Variants in SHANK2 observed in about 807,000 individuals in gnomAD.
SHANK2 encodes SH3 and multiple ankyrin repeat domains protein 2.
SHANK2 carries 43 observed loss-of-function variants against 133.7 expected under a neutral mutation model. The observed-to-expected ratio is 0.32, with a 90% CI of 0.25 to 0.41. SHANK2 has a LOEUF of 0.41. Among genes scored for constraint, SHANK2 ranks in the 10% least tolerant of loss-of-function variants. The pLI is 1.00. For synonymous variants in SHANK2, 1,017 were observed against 952.8 expected (o/e 1.07, Z -1.24); for missense variants, 1,994 against 2,235.8 (o/e 0.89, Z 2.18).
In SHANK2 at chr11:70,896,708, T is replaced by C. The variant is rs1402015647; in HGVS notation, c.1108-141A>G. 6.6e-6 allele frequency: 4 copies of C among 606,234 alleles called. No homozygotes were observed. In the Admixed American group the frequency reaches 1.1e-4, roughly 16 times the overall value. 37.6% of individuals were successfully genotyped at this position (606,234 alleles called of 1,614,324 possible). ...ATGGCAGCCGCAATATCAACACTCA[T>C]CCACTCACCTTGCCAACCACCACAC... On this transcript the variant is annotated intron_variant, in intron 10 of 25. Coordinates refer to ENST00000601538, the MANE Select transcript of SHANK2 (RefSeq NM_012309.5).
intron 14 of SHANK2, among the ~76,000 whole-genome samples, chr11:70,750,173 C>T (rs868924520): frequency 2.2e-4 from 33 of 152,240 alleles, no homozygotes; most frequent in Admixed American, 1.6e-3. Flanking sequence ...TGTGAGTTTC[C>T]CATTTTTTCC....
At chr11:71,077,387 C>T (rs1337951435) in intron 8 of SHANK2, among the ~76,000 whole-genome samples, 3 of 152,206 alleles carry the variant, frequency 2.0e-5, no homozygotes, top group African/African-American at 7.2e-5. Flanking sequence ...GAGCACTCTT[C>T]CCTTGCAAGG....
chr11:70,591,933 C>A (rs571386612), intron 17 of SHANK2, among the ~76,000 whole-genome samples: 1 of 151,944 alleles, frequency 6.6e-6, no homozygotes, highest in East Asian at 1.9e-4. Context: ...GCAGGAGAAC[C>A]GCTGAAACCG....
At chr11:71,167,408 G>A (rs1276122595) in intron 2 of SHANK2, among the ~76,000 whole-genome samples, 213 of 145,932 alleles carry the variant, frequency 1.5e-3, no homozygotes, top group African/African-American at 4.7e-3. Context: ...CTGGCCGGGC[G>A]GGGGGCTGAC....
chr11:70,518,137 C>T (rs1243425640), intron 17 of SHANK2, among the ~76,000 whole-genome samples: 1 of 152,188 alleles, frequency 6.6e-6, no homozygotes, highest in Non-Finnish European at 1.5e-5. Context: ...CTTTAGCCAG[C>T]GTCAGCCACT....
At chr11:70,880,576 GGCCAGGGGCATGT>G (rs1402339243) in intron 11 of SHANK2, among the ~76,000 whole-genome samples, 1 of 152,214 alleles carries the variant, frequency 6.6e-6, no homozygotes, top group Non-Finnish European at 1.5e-5. Flanking sequence ...CCCTCTGTGA[GGCCAGGGGCATGT>G]GCCCATGGAA....
chr11:70,700,513 T>C (rs1430452073), intron 14 of SHANK2, among the ~76,000 whole-genome samples: 8 of 152,114 alleles, frequency 5.3e-5, no homozygotes, highest in Non-Finnish European at 1.2e-4. Flanking sequence ...ACAATCAGAT[T>C]GGTCAGAGTG....
intron 10 of SHANK2, among the ~76,000 whole-genome samples, chr11:70,924,448 G>A (rs1950398427): frequency 6.6e-6 from 1 of 152,102 alleles, no homozygotes; most frequent in South Asian, 2.1e-4. Context: ...GCCCTTGCCT[G>A]ATACTTTTTT....
At chr11:70,863,793 G>A in intron 11 of SHANK2, 1 of 457,594 alleles carries the variant, frequency 2.2e-6, no homozygotes. Flanking sequence ...AACAGGAGAG[G>A]TGTGTTGTAA....
chr11:71,194,323 T>C (rs1194616345), intron 2 of SHANK2, among the ~76,000 whole-genome samples: 3 of 152,126 alleles, frequency 2.0e-5, no homozygotes, highest in African/African-American at 7.2e-5. Flanking sequence ...GACCCCAGCA[T>C]CAGTGCCGCG....
chr11:71,233,270 G>A (rs1555123207), intron 1 of SHANK2, among the ~76,000 whole-genome samples: 5 of 152,180 alleles, frequency 3.3e-5, no homozygotes, highest in Non-Finnish European at 1.5e-5. Flanking sequence ...GCCTTAAAAT[G>A]GAACGTGATT....
chr11:70,713,809 C>T (rs1252707484), intron 14 of SHANK2, among the ~76,000 whole-genome samples: 7 of 152,240 alleles, frequency 4.6e-5, no homozygotes, highest in African/African-American at 9.6e-5. Context: ...GTGTAAAACA[C>T]ACTCTCTTCT....
chr11:70,919,719 G>A (rs891537244), intron 10 of SHANK2, among the ~76,000 whole-genome samples: 3 of 152,148 alleles, frequency 2.0e-5, no homozygotes, highest in Non-Finnish European at 4.4e-5. Flanking sequence ...GCGAAATTGT[G>A]TATCCTTTGA....
chr11:70,598,881 A>T (rs1215457480), intron 17 of SHANK2, among the ~76,000 whole-genome samples: 1 of 151,660 alleles, frequency 6.6e-6, no homozygotes, highest in East Asian at 1.9e-4. Flanking sequence ...AATCTCTTGC[A>T]CACTAGGAAA....
At chr11:70,702,555 A>C (rs958149185) in intron 14 of SHANK2, among the ~76,000 whole-genome samples, 1 of 151,978 alleles carries the variant, frequency 6.6e-6, no homozygotes, top group East Asian at 1.9e-4. Context: ...CATCACCACC[A>C]TCATCAACCA....
At chr11:70,759,323 A>G (rs1447916754) in intron 14 of SHANK2, among the ~76,000 whole-genome samples, 3 of 151,994 alleles carry the variant, frequency 2.0e-5, no homozygotes, top group African/African-American at 7.2e-5. Context: ...CGTCACTAGT[A>G]AAAATACAAA....
At chr11:71,135,471 A>AG (rs1952418744) in intron 3 of SHANK2, among the ~76,000 whole-genome samples, 1 of 146,186 alleles carries the variant, frequency 6.8e-6, no homozygotes, top group Non-Finnish European at 1.5e-5. Flanking sequence ...TGCCCAGACT[A>AG]GGGGGGATAT....
chr11:70,726,838 T>A (rs1946190477), intron 14 of SHANK2, among the ~76,000 whole-genome samples: 1 of 152,222 alleles, frequency 6.6e-6, no homozygotes, highest in South Asian at 2.1e-4. Context: ...AAAGGCCTCA[T>A]GTGCTTCTGC....
At position 70,486,076 on chromosome 11, in the gene SHANK2, A is replaced by G. The variant is rs2058799152; in HGVS notation, c.4217T>C (p.Ile1406Thr). The part of the protein sequence containing the change: ...LASVDLDEDF[I>T]FTEPLPPPLE... ...GGGAGGAGGCAATGGCTCTGTAAAAATAAAATCCTCATCCAAGTCCACGGA... is the reference window on the plus strand; with the variant it reads ...GGGAGGAGGCAATGGCTCTGTAAAAGTAAAATCCTCATCCAAGTCCACGGA... The change falls in exon 25 of 26, where the codon ATT becomes ACT. Residue 1406 changes from isoleucine (I) to threonine (T), a missense_variant. Ile to Thr is a moderately conservative substitution (Grantham distance 89, BLOSUM62 -1). Coordinates refer to ENST00000601538, the MANE Select transcript of SHANK2 (RefSeq NM_012309.5). This position sits in a 1 kb window ranked among gnomAD's most constrained non-coding sequence, Gnocchi z 8.0. 1 of 1,614,086 alleles carries G rather than the reference A, an allele frequency of 6.2e-7. No individual in the cohort carries two copies. The highest frequency in any genetic ancestry group is 8.5e-7 in the Non-Finnish European group (1 of 1,180,032).
Sources: gnomAD v4.1 joint callset for allele counts (sites outside exome capture counted in the v4.1 genomes callset) on GRCh38, gnomAD v4.1.1 for gene constraint, Gnocchi (gnomAD v3.1) non-coding constraint, MANE v1.5 for transcripts, NCBI Gene and HGNC (gene_info 2026-07-23, HGNC 2026-07-21) for gene names.